Variants in RHCE observed in about 807,000 individuals in gnomAD.
RHCE encodes the protein blood group Rh(CE) polypeptide.
In RHCE, 22 loss-of-function variants were observed where a neutral mutation model predicts 43.8. The observed-to-expected ratio is 0.50, with a 90% confidence interval of 0.36 to 0.72. The LOEUF (loss-of-function observed/expected upper bound fraction) is 0.72. Among genes scored for constraint, RHCE ranks in the 30% least tolerant of loss-of-function variants. The pLI is 0.00. For synonymous variants in RHCE, 156 were observed against 210.7 expected (o/e 0.74, Z 2.25); for missense variants, 385 against 525.4 (o/e 0.73, Z 2.61).
chr1:25,406,189 G>A (rs1646908323), intron 2 of RHCE, among the ~76,000 whole-genome samples: 1 of 122,194 alleles, frequency 8.2e-6, no homozygotes, highest in Non-Finnish European at 1.9e-5. Context: ...TCCCCCCAGG[G>A]TGCCCTTTGT....
At chr1:25,423,769 A>C (rs2042784897), upstream of RHCE, among the ~76,000 whole-genome samples, 1 of 152,232 alleles carries the variant, frequency 6.6e-6, no homozygotes, top group Non-Finnish European at 1.5e-5. Context: ...AACCAAATAC[A>C]GTAAAATGTT....
chr1:25,419,062 G>T (rs1456138948), intron 1 of RHCE, among the ~76,000 whole-genome samples: 1 of 152,154 alleles, frequency 6.6e-6, no homozygotes, highest in East Asian at 1.9e-4. Flanking sequence ...AATACGCTGT[G>T]CTATTGCTAG....
At chr1:25,426,630 T>A (rs1028469175) in intron 2 of RHCE, among the ~76,000 whole-genome samples, 2 of 152,234 alleles carry the variant, frequency 1.3e-5, no homozygotes, top group African/African-American at 4.8e-5. Context: ...GAGTGGCGGC[T>A]GCCATAGTTA....
rs1428646862 is a variant in RHCE, at chr1:25,379,467, ATATATATATATATATATATATATATATAT to A, written c.1074-4068_1074-4040del. On this transcript the variant is annotated intron_variant, in intron 7 of 9. Transcript: ENST00000294413. The stretch of plus-strand genomic sequence containing the variant: ...AGCACCAAAGTATATATATATATAT[ATATATATATATATATATATATATATATAT>A]TTTTTTTTTTTTTTTTTTTTTTTTT... 0.011 allele frequency among the ~76,000 whole-genome samples: 82 copies of A among 7,270 alleles called. No homozygotes were observed. In the East Asian group the frequency reaches 0.16, roughly 14 times the overall value. The allele number at this position is 7,270 out of a possible 152,430, so 4.8% of individuals were successfully genotyped here.
rs1345999533 is a variant in RHCE at position 25,369,799 on chromosome 1, C to T, written c.1227+668G>A. ...TGTCACCCAGGCTGGAGTGCAGTGGCGCAATCTCAGCTCACTGCAACCTCT... is the reference window on the plus strand; with the variant it reads ...TGTCACCCAGGCTGGAGTGCAGTGGTGCAATCTCAGCTCACTGCAACCTCT... On this transcript the variant is annotated intron_variant, in intron 9 of 9. Transcript: ENST00000294413. 5.3e-5 allele frequency among the ~76,000 whole-genome samples: 7 copies of T among 131,244 alleles called. No homozygotes were observed. The East Asian group carries it at 8.8e-4, about 16-fold the overall frequency. The allele number at this position is 131,244 out of a possible 152,430, so 86.1% of individuals were successfully genotyped here. A position where few individuals can be genotyped will look rare whatever the true frequency, so the allele number is the denominator to read the frequency against.
In RHCE at chr1:25,402,702, G is replaced by T. The variant is rs1053346; in HGVS notation, c.380C>A (p.Ala127Glu). The T allele has an allele frequency of 1.2e-5, 19 of 1,613,914 alleles. No individual in the cohort carries two copies. The highest frequency in any genetic ancestry group is 1.6e-5 in the Non-Finnish European group (19 of 1,180,024). Reference sequence around the variant, plus strand: ...GTTGACCTTCCCCAAGACAGCACCCGCTGAGATCAGCACCGACATAGCACT... The same window carrying T: ...GTTGACCTTCCCCAAGACAGCACCCTCTGAGATCAGCACCGACATAGCACT... ...TMSAMSVLISAGAVLGKVNLA... is the reference protein window; with the variant it reads ...TMSAMSVLISEGAVLGKVNLA... The change falls in exon 3 of 10, where the codon GCG (alanine) becomes GAG (glutamate). Residue 127 changes from alanine to glutamate, a missense_variant. Ala to Glu is a moderately radical substitution (Grantham distance 107). Coordinates refer to ENST00000294413, the MANE Select transcript of RHCE (RefSeq NM_020485.8).
intron 7 of RHCE, among the ~76,000 whole-genome samples, chr1:25,380,597 C>A (rs1645963052): frequency 2.0e-5 from 3 of 152,188 alleles, no homozygotes; most frequent in African/African-American, 7.2e-5. Context: ...TGCACACCTG[C>A]AAAATTAGTG....
In RHCE at chr1:25,402,206, GTCTA is replaced by G. The variant is rs56985100; in HGVS notation, c.486+386_486+389del. Among the ~76,000 whole-genome samples the G allele has an allele frequency of 9.4e-3, 1,224 of 130,448 alleles. 10 individuals carry two copies. The highest frequency in any genetic ancestry group is 0.044 in the Middle Eastern group (11 of 252). 85.6% of individuals were successfully genotyped at this position (130,448 alleles called of 152,430 possible). A position where few individuals can be genotyped will look rare whatever the true frequency, so the allele number is the denominator to read the frequency against. On this transcript the variant is annotated intron_variant, in intron 3 of 9. Coordinates refer to ENST00000294413, the MANE Select transcript of RHCE (RefSeq NM_020485.8). ...TGTCTGTCTGTCTGTCTGTCTGTCT[GTCTA>G]TCTATCTATCTATCTATCTATCTAT... is the stretch of plus-strand genomic sequence containing the variant.
intron 1 of RHCE, among the ~76,000 whole-genome samples, chr1:25,414,288 A>G (rs687749): frequency 0.085 from 12,854 of 151,390 alleles, 1,368 homozygotes; most frequent in African/African-American, 0.28. Context: ...CTGGATCTGC[A>G]CCCCCTCCCA....
intron 2 of RHCE, among the ~76,000 whole-genome samples, chr1:25,403,297 C>T (rs1646814138): frequency 6.6e-6 from 1 of 151,756 alleles, no homozygotes; most frequent in African/African-American, 2.4e-5. Flanking sequence ...TATTTCATCT[C>T]ACTGAGCCTA....
chr1:25,381,356 A>C (rs1199403422), intron 7 of RHCE, among the ~76,000 whole-genome samples: 1 of 152,192 alleles, frequency 6.6e-6, no homozygotes, highest in Non-Finnish European at 1.5e-5. Context: ...CGACTTCAGT[A>C]ACCATTAAGA....
chr1:25,412,791 G>A (rs2124518844), intron 1 of RHCE, among the ~76,000 whole-genome samples: 1 of 151,168 alleles, frequency 6.6e-6, no homozygotes, highest in Admixed American at 6.6e-5. Context: ...TTGGGAGGCT[G>A]AGGTGGGCAG....
rs576037246 is a variant in RHCE at position 25,409,409 on chromosome 1, G to A, written c.149-540C>T. 2.4e-5 allele frequency among the ~76,000 whole-genome samples: 3 copies of A among 124,106 alleles called. 1 individual carries two copies. The highest frequency in any genetic ancestry group is 3.7e-5 in the Non-Finnish European group (2 of 54,262). 81.4% of individuals were successfully genotyped at this position (124,106 alleles called of 152,430 possible). A position where few individuals can be genotyped will look rare whatever the true frequency, so the allele number is the denominator to read the frequency against. Reference sequence around the variant, plus strand: ...CACAGCAAACCTCCCTCCCTTTGCCGCCTGCTGCGAGGGACCTGGTGAGCT... The same window carrying A: ...CACAGCAAACCTCCCTCCCTTTGCCACCTGCTGCGAGGGACCTGGTGAGCT... On this transcript the variant is annotated intron_variant, in intron 1 of 9. Coordinates refer to ENST00000294413, the MANE Select transcript of RHCE (RefSeq NM_020485.8).
chr1:25,372,835 T>C (rs1010417979), intron 8 of RHCE, among the ~76,000 whole-genome samples: 3 of 151,756 alleles, frequency 2.0e-5, no homozygotes, highest in African/African-American at 7.3e-5. Context: ...GACAGGGTCT[T>C]GCTCTGTTGT....
intron 1 of RHCE, 100 bp downstream of exon 1, chr1:25,420,539 T>A: frequency 6.2e-7 from 1 of 1,609,090 alleles, no homozygotes; most frequent in Non-Finnish European, 8.5e-7. Flanking sequence ...TCCTCGGGAT[T>A]TTGTAGAAAG....
chr1:25,391,478 C>T (rs1166012659), intron 4 of RHCE, among the ~76,000 whole-genome samples: 5 of 151,594 alleles, frequency 3.3e-5, no homozygotes, highest in South Asian at 4.2e-4. Context: ...TGAGCCACCA[C>T]GCCTGGCCCA....
At chr1:25,392,460 C>T (rs138891858) in intron 3 of RHCE, among the ~76,000 whole-genome samples, 2,052 of 151,832 alleles carry the variant, frequency 0.014, 52 homozygotes, top group African/African-American at 0.047. Context: ...GGGGTTTCAC[C>T]GTGTTTGCCA....
intron 3 of RHCE, among the ~76,000 whole-genome samples, chr1:25,402,223 T>A (rs1464790779): frequency 1.3e-5 from 2 of 151,644 alleles, no homozygotes; most frequent in Non-Finnish European, 2.9e-5. Context: ...TATCTATCTA[T>A]CTATCTATCT....
At chr1:25,409,920 G>C (rs1011573041) in intron 1 of RHCE, among the ~76,000 whole-genome samples, 2 of 151,526 alleles carry the variant, frequency 1.3e-5, no homozygotes, top group African/African-American at 4.9e-5. Context: ...TTTTGAGATA[G>C]AGTTTCACTC....
Sources: allele counts gnomAD v4.1 joint callset (sites outside exome capture counted in the v4.1 genomes callset), GRCh38; gene constraint gnomAD v4.1.1; transcripts MANE v1.5; gene names NCBI Gene and HGNC (gene_info 2026-07-23, HGNC 2026-07-21).